The following GSS variants were observed in gnomAD, a reference collection of about 807,000 sequenced individuals.
GSS encodes the protein glutathione synthetase.
In GSS, 34 loss-of-function variants were observed where a neutral mutation model predicts 60.4. The ratio of observed to expected loss-of-function variants is 0.56; its 90% CI spans 0.43 to 0.75. The LOEUF (loss-of-function observed/expected upper bound fraction) is 0.75. GSS is among the 30% of genes least tolerant of loss of function. The probability of loss-of-function intolerance (pLI) is 0.00; values close to 1 mark genes in which losing one functional copy is unlikely to be tolerated. For synonymous variants in GSS, 224 were observed against 239.0 expected (o/e 0.94, Z 0.58); for missense variants, 499 against 595.1 (o/e 0.84, Z 1.68).
chr20:34,941,082 T>C (rs776404754), intron 6 of GSS, among the ~76,000 whole-genome samples: 15 of 152,036 alleles, frequency 9.9e-5, no homozygotes, highest in Non-Finnish European at 2.1e-4. Flanking sequence ...AGAGGCCGGG[T>C]GCAGTGGCTC....
chr20:34,954,294 C>T (rs190912494), intron 1 of GSS: 4 of 152,412 alleles, frequency 2.6e-5, no homozygotes, highest in East Asian at 1.9e-4. Context: ...GTGGCTCACT[C>T]GTGTAATCCC....
In GSS at chr20:34,936,805, AT is replaced by A; in HGVS notation, c.724del (p.Ile242SerfsTer70). 1 of 1,614,084 alleles carries A rather than the reference AT, an allele frequency of 6.2e-7. No homozygotes were observed. Among genetic ancestry groups the A allele is most frequent in the Non-Finnish European group, 8.5e-7 (1 of 1,179,990 alleles). ...TTGGTCCAGAGACCCCTTTTCAGAG[AT>A]ATCTTCAAATGTTCGTCGGATCACA... Reference protein sequence around the residue: ...IHVIRRTFEDISEKGSLDQDR... With the variant: ...IHVIRRTFEDXSEKGSLDQDR... On this transcript the variant is annotated frameshift_variant, in exon 8 of 13. Transcript: ENST00000651619. LOFTEE classifies it high-confidence loss of function.
chr20:34,946,021 C>T lies in GSS; in HGVS notation c.207G>A (p.Gln69=). The T allele has an allele frequency of 1.2e-6, 2 of 1,614,158 alleles. No homozygotes were observed. The highest frequency in any genetic ancestry group is 3.3e-5 in the Admixed American group (2 of 60,032). The part of the protein sequence containing the change: ...SALLEQAYAV[Q]MDFNLLVDAV... ...CATCCACTAGCAGGTTGAAGTCCAT[C>T]TGCACAGCATAGGCTTGCTCCAGCA... Residue 69 remains glutamine, a synonymous_variant, in exon 3 of 13, where the codon CAG becomes CAA. Coordinates refer to ENST00000651619, the MANE Select transcript of GSS (RefSeq NM_000178.4).
intron 1 of GSS, chr20:34,954,654 G>A (rs1270494058): frequency 6.5e-6 from 1 of 153,568 alleles, no homozygotes; most frequent in African/African-American, 2.4e-5. Flanking sequence ...ACCCTCCCTT[G>A]GCTTTATTTA....
Position 34,951,769 on chromosome 20 carries a change from A to G in GSS, c.84T>C (p.Ala28=). ...GTGAGGTCCTCAGCAATACTCCCTC[A>G]GCCAGGGCCCGGTCCACGGCCTGCC... The part of the protein sequence containing the change: ...LARQAVDRAL[A]EGVLLRTSQE... Residue 28 remains alanine, a synonymous_variant, in exon 2 of 13, where the codon GCT becomes GCC. Coordinates refer to ENST00000651619, the MANE Select transcript of GSS (RefSeq NM_000178.4). The G allele has an allele frequency of 1.2e-6, 2 of 1,613,396 alleles. No homozygotes were observed. Among genetic ancestry groups the G allele is most frequent in the Non-Finnish European group, 1.7e-6 (2 of 1,179,650 alleles).
chr20:34,929,642 C>G (rs2081384184), intron 11 of GSS, 52 bp from the exon 12 acceptor site: 1 of 1,516,874 alleles, frequency 6.6e-7, no homozygotes. Context: ...CTCCTCCATC[C>G]CATGCCCTCA....
rs550966005 is a variant in GSS, at chr20:34,952,314, G to A, written c.-8-454C>T. 5.3e-5 allele frequency: 12 copies of A among 225,806 alleles called. No individual in the cohort carries two copies. In the East Asian group the frequency reaches 5.3e-4, roughly 10 times the overall value. 14.0% of individuals were successfully genotyped at this position (225,806 alleles called of 1,614,324 possible). A position where few individuals can be genotyped will look rare whatever the true frequency, so the allele number is the denominator to read the frequency against. On this transcript the variant is annotated intron_variant, in intron 1 of 12. Coordinates refer to ENST00000651619, the MANE Select transcript of GSS (RefSeq NM_000178.4). ...CCCTAACTGTGAAACAAGAAGAATC[G>A]GATAGATCAGTTTCCAAACCTGGCT...
chr20:34,954,721 A>G (rs981930233), intron 1 of GSS: 1 of 153,592 alleles, frequency 6.5e-6, no homozygotes. Flanking sequence ...CCTACCTTCA[A>G]ACTAGAATAT....
intron 3 of GSS, among the ~76,000 whole-genome samples, chr20:34,944,175 C>A (rs1208684348): frequency 1.3e-5 from 2 of 152,172 alleles, no homozygotes; most frequent in Non-Finnish European, 2.9e-5. Context: ...ACACACTTTC[C>A]TTTTTCTGAA....
intron 9 of GSS, 65 bp downstream of exon 9, chr20:34,935,511 T>A: frequency 9.3e-7 from 1 of 1,074,302 alleles, no homozygotes; most frequent in Non-Finnish European, 1.5e-6. Flanking sequence ...TAAGCCTGAA[T>A]TGGGTCTCTG....
rs2081371666 is a variant in GSS at position 34,928,734 on chromosome 20, A to C, written c.*94T>G. The C allele has an allele frequency of 7.0e-7, 1 of 1,419,292 alleles. No homozygotes were observed. Among genetic ancestry groups the C allele is most frequent in the South Asian group, 1.2e-5 (1 of 85,138 alleles). 87.9% of individuals were successfully genotyped at this position (1,419,292 alleles called of 1,614,324 possible). A position where few individuals can be genotyped will look rare whatever the true frequency, so the allele number is the denominator to read the frequency against. Reference sequence around the variant, plus strand: ...GTACCAGTATTTACCCTTCCATAAAAACTTTGGAGGTCTTTAGGAGGATAC... The same window carrying C: ...GTACCAGTATTTACCCTTCCATAAACACTTTGGAGGTCTTTAGGAGGATAC... On this transcript the variant is annotated 3_prime_UTR_variant, in exon 13 of 13. Transcript: ENST00000651619.
intron 12 of GSS, 32 bp downstream of exon 12, chr20:34,929,369 G>A: frequency 1.3e-6 from 2 of 1,573,346 alleles, no homozygotes; most frequent in South Asian, 1.1e-5. Context: ...TTGCAAGCAG[G>A]TAGTGGAAAG....
chr20:34,929,764 T>C (rs930637448), intron 11 of GSS, among the ~76,000 whole-genome samples, 174 bp from the exon 12 acceptor site: 2 of 152,182 alleles, frequency 1.3e-5, no homozygotes, highest in Non-Finnish European at 2.9e-5. Flanking sequence ...GGAGAGCCCT[T>C]ACTCATGCAG....
chr20:34,951,873 G>T lies in GSS; in HGVS notation c.-8-13C>A. The T allele has an allele frequency of 6.2e-7, 1 of 1,613,504 alleles. No individual in the cohort carries two copies. The highest frequency in any genetic ancestry group is 8.5e-7 in the Non-Finnish European group (1 of 1,179,996). On this transcript the variant is annotated splice_polypyrimidine_tract_variant and intron_variant, in intron 1 of 12. Coordinates refer to ENST00000651619, the MANE Select transcript of GSS (RefSeq NM_000178.4). ...GCCATCCCAACACCTGCAAAAGATG[G>T]AGAGAAGAGAGTTGGTAACAGATGG...
rs551543886 is a variant in GSS, at chr20:34,934,503, C to G, written c.834+1073G>C. Reference sequence around the variant, plus strand: ...TGTTGGCCAGGCTGGTCTTGAACTCCTGACCTCAGGTAATCCACCTGCCTT... The same window carrying G: ...TGTTGGCCAGGCTGGTCTTGAACTCGTGACCTCAGGTAATCCACCTGCCTT... On this transcript the variant is annotated intron_variant, in intron 9 of 12. Transcript: ENST00000651619. Among the ~76,000 whole-genome samples, 335 of 152,182 alleles carry G rather than the reference C, an allele frequency of 2.2e-3. 1 individual carries two copies. Among genetic ancestry groups the G allele is most frequent in the African/African-American group, 7.4e-3 (309 of 41,550 alleles).
At chr20:34,930,848 A>C (rs1167975155) in intron 11 of GSS, among the ~76,000 whole-genome samples, 2 of 152,114 alleles carry the variant, frequency 1.3e-5, no homozygotes, top group Non-Finnish European at 2.9e-5. Context: ...GTTTCTCATT[A>C]ACCTCCAAAC....
At chr20:34,954,645 C>G (rs2081604889) in intron 1 of GSS, 1 of 153,532 alleles carries the variant, frequency 6.5e-6, no homozygotes, top group Admixed American at 6.6e-5. Flanking sequence ...ACAGCCTCAA[C>G]CCTCCCTTGG....
chr20:34,946,026 C>G lies in GSS; in HGVS notation c.202G>C (p.Val68Leu), dbSNP rs1569015785. 6.2e-7 allele frequency: 1 copy of G among 1,613,864 alleles called. No individual in the cohort carries two copies. The highest frequency in any genetic ancestry group is 1.3e-5 in the African/African-American group (1 of 75,062). Residue 68 changes from valine to leucine, a missense_variant, in exon 3 of 13, where the codon GTG becomes CTG. Val to Leu is a conservative substitution (Grantham distance 32). Transcript: ENST00000651619. ...PSALLEQAYAVQMDFNLLVDA... is the reference protein window; with the variant it reads ...PSALLEQAYALQMDFNLLVDA... ...ACTAGCAGGTTGAAGTCCATCTGCA[C>G]AGCATAGGCTTGCTCCAGCAGGGCA... is the stretch of plus-strand genomic sequence containing the variant.
intron 6 of GSS, 29 bp from the exon 7 acceptor site, chr20:34,937,052 C>A: frequency 6.5e-7 from 1 of 1,537,182 alleles, no homozygotes; most frequent in Non-Finnish European, 9.0e-7. Flanking sequence ...TGGCCCGAGG[C>A]TACTATAGAA....
Sources: allele counts gnomAD v4.1 joint callset (sites outside exome capture counted in the v4.1 genomes callset), GRCh38; gene constraint gnomAD v4.1.1; transcripts MANE v1.5; gene names NCBI Gene and HGNC (gene_info 2026-07-23, HGNC 2026-07-21).